PPP1R16B: variants seen among roughly 807,000 people sequenced by gnomAD.
PPP1R16B encodes protein phosphatase 1 regulatory inhibitor subunit 16B.
Under a neutral mutation model 61.7 loss-of-function variants are expected in PPP1R16B, and 14 were observed. That is an observed-to-expected ratio of 0.23 (90% CI 0.15 to 0.35). The LOEUF is 0.35. PPP1R16B is among the 10% of genes least tolerant of loss of function. The pLI is 1.00. For synonymous variants in PPP1R16B, 266 were observed against 305.3 expected (o/e 0.87, Z 1.34); for missense variants, 547 against 752.5 (o/e 0.73, Z 3.19).
intron 1 of PPP1R16B, among the ~76,000 whole-genome samples, chr20:38,818,371 T>G (rs1295491611): frequency 6.6e-6 from 1 of 151,950 alleles, no homozygotes; most frequent in African/African-American, 2.4e-5. Flanking sequence ...AAATTGGGTA[T>G]TTAGTGAGTT....
chr20:38,829,642 G>A (rs563705054), intron 1 of PPP1R16B, among the ~76,000 whole-genome samples: 3 of 152,336 alleles, frequency 2.0e-5, no homozygotes, highest in South Asian at 4.1e-4. Flanking sequence ...GTGGATAGGT[G>A]AGCCCAGGTC....
At chr20:38,909,002 A>AT (rs1317775974) in intron 10 of PPP1R16B, among the ~76,000 whole-genome samples, 2 of 151,120 alleles carry the variant, frequency 1.3e-5, no homozygotes, top group Non-Finnish European at 2.9e-5. Context: ...TTTTATTTTT[A>AT]TTTTATTGGT....
intron 2 of PPP1R16B, among the ~76,000 whole-genome samples, chr20:38,867,039 C>T (rs1408171013): frequency 6.6e-6 from 1 of 152,162 alleles, no homozygotes; most frequent in East Asian, 1.9e-4. Flanking sequence ...TTTCACTTGG[C>T]GTAATGTTTT....
At chr20:38,814,854 T>C (rs1253906781) in intron 1 of PPP1R16B, among the ~76,000 whole-genome samples, 1 of 152,220 alleles carries the variant, frequency 6.6e-6, no homozygotes, top group Non-Finnish European at 1.5e-5. Context: ...CATACAAATT[T>C]TGACACTTAT....
chr20:38,896,167 CTT>C (rs2085346438), intron 4 of PPP1R16B, among the ~76,000 whole-genome samples: 2 of 120,502 alleles, frequency 1.7e-5, no homozygotes, highest in Admixed American at 8.4e-5. Context: ...CCCTCCCTTC[CTT>C]CCTTCTTTCT....
At chr20:38,852,860 G>A (rs913933256) in intron 2 of PPP1R16B, among the ~76,000 whole-genome samples, 1 of 143,144 alleles carries the variant, frequency 7.0e-6, no homozygotes, top group Non-Finnish European at 1.5e-5. Flanking sequence ...TGCAACCTCC[G>A]CCTCCCAGGT....
At chr20:38,880,568 C>T (rs539389915) in intron 2 of PPP1R16B, among the ~76,000 whole-genome samples, 1 of 152,130 alleles carries the variant, frequency 6.6e-6, no homozygotes, top group Non-Finnish European at 1.5e-5. Flanking sequence ...ACTTAGGAGG[C>T]TGAGGTGGGA....
chr20:38,839,552 T>A (rs1388291540), intron 2 of PPP1R16B, among the ~76,000 whole-genome samples: 1 of 152,198 alleles, frequency 6.6e-6, no homozygotes, highest in African/African-American at 2.4e-5. Flanking sequence ...TGTTGTTAGT[T>A]TGATGTTTCT....
At chr20:38,848,389 C>T (rs1173644575) in intron 2 of PPP1R16B, among the ~76,000 whole-genome samples, 2 of 152,154 alleles carry the variant, frequency 1.3e-5, no homozygotes, top group Non-Finnish European at 2.9e-5. Context: ...TGAGGCCACC[C>T]TTGTACTCTA....
At chr20:38,826,667 GT>G (rs1250476230) in intron 1 of PPP1R16B, among the ~76,000 whole-genome samples, 10 of 152,320 alleles carry the variant, frequency 6.6e-5, no homozygotes, top group African/African-American at 2.4e-4. Context: ...TAGCCTGGTG[GT>G]TACCAAATGC....
chr20:38,903,572 TCC>T (rs2085414646), intron 6 of PPP1R16B, among the ~76,000 whole-genome samples: 1 of 75,260 alleles, frequency 1.3e-5, no homozygotes, highest in African/African-American at 6.0e-5. Flanking sequence ...CATCCGTCCG[TCC>T]GTCCGTCCAT....
intron 6 of PPP1R16B, 55 bp downstream of exon 6, chr20:38,902,847 G>T (rs2085407982): frequency 6.2e-7 from 1 of 1,610,904 alleles, no homozygotes; most frequent in Non-Finnish European, 8.5e-7. Context: ...AAGTGGGCCA[G>T]CACCTGGTGG....
intron 10 of PPP1R16B, among the ~76,000 whole-genome samples, chr20:38,911,836 C>A (rs920987695): frequency 6.6e-6 from 1 of 152,202 alleles, no homozygotes; most frequent in Non-Finnish European, 1.5e-5. Flanking sequence ...TGCTCCTGGC[C>A]TCCATTCTCC....
At chr20:38,862,099 G>A (rs1456061391) in intron 2 of PPP1R16B, among the ~76,000 whole-genome samples, 1 of 152,188 alleles carries the variant, frequency 6.6e-6, no homozygotes, top group Non-Finnish European at 1.5e-5. Context: ...GGGCCCCCCA[G>A]CCTTGTTGCC....
intron 1 of PPP1R16B, among the ~76,000 whole-genome samples, chr20:38,810,007 C>A (rs145796403): frequency 0.082 from 7,801 of 95,458 alleles, 169 homozygotes; most frequent in Non-Finnish European, 0.1. Context: ...AAAAAAAAAA[C>A]AAAACCAAAA....
intron 2 of PPP1R16B, among the ~76,000 whole-genome samples, chr20:38,885,806 T>G (rs998599779): frequency 1.3e-5 from 2 of 152,216 alleles, no homozygotes; most frequent in Admixed American, 1.3e-4. Flanking sequence ...GACAGAGTCT[T>G]GCTCCGTCGC....
chr20:38,817,737 CT>C (rs1477820851), intron 1 of PPP1R16B, among the ~76,000 whole-genome samples: 3 of 152,092 alleles, frequency 2.0e-5, no homozygotes, highest in Non-Finnish European at 4.4e-5. Flanking sequence ...AAGAAGGGTA[CT>C]GCCACTCATA....
chr20:38,827,876 G>A (rs1032857934), intron 1 of PPP1R16B, among the ~76,000 whole-genome samples: 9 of 152,260 alleles, frequency 5.9e-5, no homozygotes, highest in Admixed American at 3.9e-4. Context: ...AGTAGGTCCC[G>A]AGTGAGATCC....
Position 38,836,130 on chromosome 20 carries a change from A to T in PPP1R16B, c.205A>T (p.Ser69Cys), listed in dbSNP as rs747535279. ...GRRKKVSFEA[S>C]VALLEASLRN... ...CCGCAAGAAAGTGTCCTTCGAGGCC[A>T]GCGTGGCCCTGCTGGAGGCCTCGCT... The change falls in exon 2 of 11, where the codon AGC (serine) becomes TGC (cysteine). Residue 69 changes from serine to cysteine, a missense_variant. Coordinates refer to ENST00000299824, the MANE Select transcript of PPP1R16B (RefSeq NM_015568.4). 2.5e-6 allele frequency: 4 copies of T among 1,612,376 alleles called. No homozygotes were observed. The highest frequency in any genetic ancestry group is 3.4e-6 in the Non-Finnish European group (4 of 1,179,906).
Sources: allele counts gnomAD v4.1 joint callset (sites outside exome capture counted in the v4.1 genomes callset), GRCh38; gene constraint gnomAD v4.1.1; transcripts MANE v1.5; gene names NCBI Gene and HGNC (gene_info 2026-07-23, HGNC 2026-07-21).